The following CNTN4 variants were observed in gnomAD, a reference collection of about 807,000 sequenced individuals.
CNTN4 encodes the protein contactin-4.
CNTN4 carries 77 observed loss-of-function variants against 122.5 expected under a neutral mutation model. The observed-to-expected ratio is 0.63, with a 90% CI of 0.52 to 0.76. CNTN4 has a LOEUF of 0.76. CNTN4 is among the 30% of genes least tolerant of loss of function. CNTN4 has a pLI of 0.00. For missense variants in CNTN4, 1,256 were observed against 1,259.1 expected, an observed-to-expected ratio of 1.00 and a Z score of 0.04; for synonymous variants, 512 against 447.0, an observed-to-expected ratio of 1.15 and a Z score of -1.83.
At chr3:2,174,641 C>T (rs2036670424) in intron 2 of CNTN4, among the ~76,000 whole-genome samples, 1 of 152,114 alleles carries the variant, frequency 6.6e-6, no homozygotes, top group African/African-American at 2.4e-5. Flanking sequence ...TCTTGTGTTG[C>T]CAGAAATGAA....
At chr3:2,665,810 T>C (rs1334607367) in intron 4 of CNTN4, among the ~76,000 whole-genome samples, 1 of 152,172 alleles carries the variant, frequency 6.6e-6, no homozygotes, top group Non-Finnish European at 1.5e-5. Flanking sequence ...AGAAAAAATA[T>C]GGGGTATCCA....
intron 2 of CNTN4, among the ~76,000 whole-genome samples, chr3:2,107,196 A>C (rs1417990816): frequency 6.6e-6 from 1 of 152,134 alleles, no homozygotes; most frequent in Non-Finnish European, 1.5e-5. Flanking sequence ...CCAATTACAA[A>C]GTTGCTTCCA....
intron 13 of CNTN4, among the ~76,000 whole-genome samples, chr3:2,930,316 A>G (rs547571568): frequency 1.3e-5 from 2 of 152,352 alleles, no homozygotes; most frequent in African/African-American, 2.4e-5. Context: ...TTGTTATACT[A>G]GAGAGAAAAA....
chr3:2,639,687 C>G (rs561483147), intron 4 of CNTN4, among the ~76,000 whole-genome samples: 13 of 152,232 alleles, frequency 8.5e-5, no homozygotes, highest in Admixed American at 2.0e-4. Flanking sequence ...TTTTCTTTGT[C>G]TGAAATAAAT....
intron 2 of CNTN4, among the ~76,000 whole-genome samples, chr3:2,160,065 CT>C (rs746109818): frequency 2.8e-4 from 42 of 152,104 alleles, no homozygotes; most frequent in Admixed American, 5.2e-4. Flanking sequence ...AGATAATAGT[CT>C]AGTTAAATGC....
rs533172942 is a variant in CNTN4 at position 2,152,617 on chromosome 3, T to G, written c.-145+51978T>G. ...GGATGTGACTCCAAGTGTTTTGTCC[T>G]GAAAAAATAGAAGATTGAGATGGGA... On this transcript the variant is annotated intron_variant, in intron 2 of 24. Transcript: ENST00000418658. Among the ~76,000 whole-genome samples, 3 of 152,198 alleles carry G rather than the reference T, an allele frequency of 2.0e-5. No homozygotes were observed. The South Asian group carries it at 6.2e-4, about 32-fold the overall frequency.
At chr3:2,876,093 C>T (rs1437024064) in intron 8 of CNTN4, among the ~76,000 whole-genome samples, 1 of 152,172 alleles carries the variant, frequency 6.6e-6, no homozygotes, top group Non-Finnish European at 1.5e-5. Flanking sequence ...ATTTTCATCT[C>T]TCACAGGTTT....
intron 5 of CNTN4, among the ~76,000 whole-genome samples, chr3:2,737,450 C>G (rs957472889): frequency 2.6e-5 from 4 of 152,164 alleles, no homozygotes; most frequent in African/African-American, 9.7e-5. Flanking sequence ...TCCTGAAAAG[C>G]TAAGTACCCA....
intron 4 of CNTN4, among the ~76,000 whole-genome samples, chr3:2,583,058 A>AT (rs1211783437): frequency 6.6e-6 from 1 of 152,236 alleles, no homozygotes; most frequent in African/African-American, 2.4e-5. Context: ...AGTTTCAACT[A>AT]TATTGTTTCC....
At chr3:2,257,826 G>A (rs2040661716) in intron 2 of CNTN4, among the ~76,000 whole-genome samples, 1 of 152,144 alleles carries the variant, frequency 6.6e-6, no homozygotes, top group South Asian at 2.1e-4. Context: ...CACCTTGGGA[G>A]GCCGAGGTGG....
rs1048511943 is a variant in CNTN4, at chr3:2,210,825, C to T, written c.-145+110186C>T. Among the ~76,000 whole-genome samples the T allele has an allele frequency of 3.3e-5, 5 of 152,020 alleles. No homozygotes were observed. The South Asian group carries it at 6.2e-4, about 19-fold the overall frequency. On this transcript the variant is annotated intron_variant, in intron 2 of 24. Coordinates refer to ENST00000418658, the MANE Select transcript of CNTN4 (RefSeq NM_175607.3). The stretch of plus-strand genomic sequence containing the variant: ...ATCAAAAGGTCTTTGGAAGCAAAGG[C>T]GTTTTGTTATTAACTGTTGTATCTT...
At chr3:2,429,933 AT>A (rs1359000177) in intron 3 of CNTN4, among the ~76,000 whole-genome samples, 1 of 152,090 alleles carries the variant, frequency 6.6e-6, no homozygotes, top group African/African-American at 2.4e-5. Flanking sequence ...CAGTATTAGG[AT>A]GGGAGTCACC....
intron 3 of CNTN4, among the ~76,000 whole-genome samples, chr3:2,536,147 C>G (rs2077795584): frequency 6.6e-6 from 1 of 152,126 alleles, no homozygotes; most frequent in Non-Finnish European, 1.5e-5. Flanking sequence ...AAGGGTGAAA[C>G]AGTTCAGAAC....
intron 4 of CNTN4, among the ~76,000 whole-genome samples, chr3:2,723,505 G>GTGGCACCC (rs2087998010): frequency 6.6e-6 from 1 of 152,162 alleles, no homozygotes; most frequent in African/African-American, 2.4e-5. Context: ...TGCTTCCAAG[G>GTGGCACCC]TGGCACCCTG....
In CNTN4 at chr3:2,255,221, C is replaced by A. The variant is rs1009813194; in HGVS notation, c.-144-83957C>A. On this transcript the variant is annotated intron_variant, in intron 2 of 24. Coordinates refer to ENST00000418658, the MANE Select transcript of CNTN4 (RefSeq NM_175607.3). ...AGATGTGTGGCATTATTTCTGAGGG[C>A]TCTGTCCTGTTCCATTGGTCTATAT... Among the ~76,000 whole-genome samples the A allele has an allele frequency of 9.3e-5, 14 of 151,190 alleles. No individual in the cohort carries two copies. The East Asian group carries it at 2.7e-3, about 30-fold the overall frequency.
chr3:3,034,888 T>A (rs1302854209), intron 17 of CNTN4, 98 bp downstream of exon 17: 1 of 1,222,226 alleles, frequency 8.2e-7, no homozygotes, highest in Admixed American at 1.7e-5. Context: ...CAGACACTAC[T>A]ACAAATGATA....
At chr3:2,775,073 T>C (rs1426062431) in intron 6 of CNTN4, among the ~76,000 whole-genome samples, 1 of 152,220 alleles carries the variant, frequency 6.6e-6, no homozygotes, top group Non-Finnish European at 1.5e-5. Flanking sequence ...GTCATGACTT[T>C]CCAGCAGACA....
At chr3:2,517,432 C>A (rs1488968926) in intron 3 of CNTN4, among the ~76,000 whole-genome samples, 1 of 152,044 alleles carries the variant, frequency 6.6e-6, no homozygotes, top group Non-Finnish European at 1.5e-5. Context: ...TCTGTATTAC[C>A]CCAAATAGTC....
chr3:2,293,118 T>G (rs919287712), intron 2 of CNTN4, among the ~76,000 whole-genome samples: 4 of 119,102 alleles, frequency 3.4e-5, no homozygotes, highest in Non-Finnish European at 7.3e-5. Flanking sequence ...TGCACTGTGG[T>G]TTAACAAGAG....
Sources: allele counts gnomAD v4.1 joint callset (sites outside exome capture counted in the v4.1 genomes callset), GRCh38; gene constraint gnomAD v4.1.1; transcripts MANE v1.5; gene names NCBI Gene and HGNC (gene_info 2026-07-23, HGNC 2026-07-21).